Variants in NTM observed in about 807,000 individuals in gnomAD.
The protein encoded by NTM is neurotrimin.
A neutral mutation model predicts 42.1 loss-of-function variants in NTM; 13 were observed. The observed-to-expected ratio is 0.31, with a 90% CI of 0.20 to 0.49. NTM has a LOEUF of 0.49. Ranked by LOEUF, NTM falls within the 20% of genes least tolerant of loss-of-function variation. The pLI is 0.99. For synonymous variants in NTM, 187 were observed against 179.2 expected, an observed-to-expected ratio of 1.04 and a Z score of -0.35; for missense variants, 373 against 452.8, an observed-to-expected ratio of 0.82 and a Z score of 1.60.
chr11:131,702,450 G>A (rs995298395), intron 1 of NTM, among the ~76,000 whole-genome samples: 47 of 152,150 alleles, frequency 3.1e-4, no homozygotes, highest in Admixed American at 1.0e-3. Context: ...GATTTGGAGA[G>A]ACCCAGCATC....
chr11:131,436,181 C>T (rs1040349107), intron 1 of NTM, among the ~76,000 whole-genome samples: 8 of 152,096 alleles, frequency 5.3e-5, no homozygotes, highest in Admixed American at 3.9e-4. Context: ...CTGCTAGATT[C>T]GATTTGCCAG....
intron 1 of NTM, among the ~76,000 whole-genome samples, chr11:131,407,235 G>A (rs555808508): frequency 3.9e-5 from 6 of 152,260 alleles, no homozygotes; most frequent in East Asian, 1.9e-4. Flanking sequence ...GGAGAGGACC[G>A]AAGTGACTCA....
intron 1 of NTM, among the ~76,000 whole-genome samples, chr11:131,438,963 G>A (rs1949374255): frequency 6.6e-6 from 1 of 152,088 alleles, no homozygotes; most frequent in African/African-American, 2.4e-5. Context: ...CTATAGATGG[G>A]GTTTTGGTAT....
At chr11:131,491,164 C>A (rs923977956) in intron 1 of NTM, among the ~76,000 whole-genome samples, 1 of 152,088 alleles carries the variant, frequency 6.6e-6, no homozygotes, top group Non-Finnish European at 1.5e-5. Context: ...ATAACGTTAC[C>A]AATCATGATT....
chr11:131,678,038 G>A (rs2071737645), intron 1 of NTM, among the ~76,000 whole-genome samples: 1 of 152,220 alleles, frequency 6.6e-6, no homozygotes, highest in Non-Finnish European at 1.5e-5. Context: ...CACCTTCTCA[G>A]CTTTATTTAT....
intron 1 of NTM, among the ~76,000 whole-genome samples, chr11:131,557,386 G>A (rs75830954): frequency 0.013 from 2,007 of 152,242 alleles, 51 homozygotes; most frequent in African/African-American, 0.046. Flanking sequence ...TGTACTTCAA[G>A]CTCCTCCTGT....
chr11:131,444,203 C>CAAAAATAAAAAA (rs1949847421), intron 1 of NTM, among the ~76,000 whole-genome samples: 1 of 49,504 alleles, frequency 2.0e-5, no homozygotes, highest in African/African-American at 7.6e-5. Context: ...AGGTTAGAAC[C>CAAAAATAAAAAA]AAAAAAAAAA....
intron 2 of NTM, among the ~76,000 whole-genome samples, chr11:131,998,644 C>A (rs564192497): frequency 9.2e-5 from 14 of 152,302 alleles, no homozygotes; most frequent in African/African-American, 2.9e-4. Flanking sequence ...CCGTCGGTCA[C>A]CCTGGCCACA....
At chr11:131,496,841 C>T (rs318969) in intron 1 of NTM, among the ~76,000 whole-genome samples, 105,019 of 152,042 alleles carry the variant, frequency 0.69, 36,486 homozygotes, top group East Asian at 0.81. Flanking sequence ...ATGGATAATA[C>T]GAAAAATGAC....
chr11:132,112,046 C>T (rs1382501969), intron 2 of NTM, among the ~76,000 whole-genome samples: 1 of 152,230 alleles, frequency 6.6e-6, no homozygotes, highest in Non-Finnish European at 1.5e-5. Context: ...TCATCCCTCC[C>T]TCTCATTTTT....
chr11:132,086,504 T>A (rs2059731773), intron 2 of NTM, among the ~76,000 whole-genome samples: 1 of 152,154 alleles, frequency 6.6e-6, no homozygotes, highest in African/African-American at 2.4e-5. Context: ...TTTAAGAAAG[T>A]CCTTTTAAGT....
chr11:131,701,212 A>G (rs897505197), intron 1 of NTM, among the ~76,000 whole-genome samples: 3 of 152,182 alleles, frequency 2.0e-5, no homozygotes, highest in Non-Finnish European at 4.4e-5. Context: ...ACCACCACCT[A>G]TATGCATGAC....
intron 2 of NTM, among the ~76,000 whole-genome samples, chr11:131,953,950 C>T (rs1178972183): frequency 6.6e-6 from 1 of 152,090 alleles, no homozygotes; most frequent in Non-Finnish European, 1.5e-5. Flanking sequence ...CCTTTCTTTC[C>T]CTCCTTAGCC....
At chr11:131,677,198 G>A (rs1195962216) in intron 1 of NTM, among the ~76,000 whole-genome samples, 1 of 152,188 alleles carries the variant, frequency 6.6e-6, no homozygotes, top group Non-Finnish European at 1.5e-5. Context: ...GGCAGTGAGT[G>A]CCAGGAATGG....
intron 7 of NTM, among the ~76,000 whole-genome samples, chr11:132,322,051 C>A (rs979468753): frequency 2.6e-5 from 4 of 152,146 alleles, no homozygotes; most frequent in African/African-American, 9.7e-5. Flanking sequence ...AAAGGAACAA[C>A]TGGTACCATC....
chr11:131,744,982 G>A (rs995879282), intron 1 of NTM, among the ~76,000 whole-genome samples: 11 of 152,324 alleles, frequency 7.2e-5, no homozygotes, highest in African/African-American at 2.2e-4. Flanking sequence ...GAGTGCTGAC[G>A]CAGAAGGGTT....
At chr11:131,926,538 G>C (rs1455343666) in intron 2 of NTM, among the ~76,000 whole-genome samples, 2 of 152,042 alleles carry the variant, frequency 1.3e-5, no homozygotes, top group Non-Finnish European at 2.9e-5. Context: ...GAGGAGGAAG[G>C]GTCAAAGCTG....
chr11:131,435,521 G>T, intron 1 of NTM, among the ~76,000 whole-genome samples: 1 of 152,132 alleles, frequency 6.6e-6, no homozygotes, highest in African/African-American at 2.4e-5. Context: ...TTGTAAGTTG[G>T]ATTCCTAGTT....
At chr11:131,803,524 A>G (rs921252055) in intron 1 of NTM, among the ~76,000 whole-genome samples, 1 of 152,146 alleles carries the variant, frequency 6.6e-6, no homozygotes, top group African/African-American at 2.4e-5. Flanking sequence ...TGGCGAGGCT[A>G]GTCTCAAACT....
Sources: gnomAD v4.1 joint callset for allele counts (sites outside exome capture counted in the v4.1 genomes callset) on GRCh38, gnomAD v4.1.1 for gene constraint, MANE v1.5 for transcripts, NCBI Gene and HGNC (gene_info 2026-07-23, HGNC 2026-07-21) for gene names.